EIF4G3: variants seen among roughly 807,000 people sequenced by gnomAD.
EIF4G3 encodes the protein eIF-4-gamma 3.
Under a neutral mutation model 186.4 loss-of-function variants are expected in EIF4G3, and 34 were observed. The ratio of observed to expected loss-of-function variants is 0.18; its 90% CI spans 0.14 to 0.24. The LOEUF is 0.24. EIF4G3 is among the 10% of genes least tolerant of loss of function. The pLI is 1.00. For synonymous variants in EIF4G3, 673 were observed against 679.5 expected, an observed-to-expected ratio of 0.99 and a Z score of 0.15; for missense variants, 1,536 against 1,948.5, an observed-to-expected ratio of 0.79 and a Z score of 3.99.
intron 36 of EIF4G3, among the ~76,000 whole-genome samples, 163 bp from the exon 37 acceptor site, chr1:20,807,663 C>A (rs1314915058): frequency 4.6e-5 from 7 of 151,806 alleles, no homozygotes; most frequent in African/African-American, 1.7e-4. Context: ...ATAAACAGCC[C>A]AACAACTTGT....
At chr1:21,131,274 ACAT>A (rs2097147255) in intron 2 of EIF4G3, among the ~76,000 whole-genome samples, 2 of 151,144 alleles carry the variant, frequency 1.3e-5, no homozygotes, top group South Asian at 4.2e-4. Context: ...ACTTAAAGAT[ACAT>A]TAAGATGTAT....
chr1:21,130,862 A>G (rs113378256), intron 2 of EIF4G3, among the ~76,000 whole-genome samples: 163 of 152,326 alleles, frequency 1.1e-3, no homozygotes, highest in African/African-American at 3.8e-3. Context: ...TAGATGGAAA[A>G]TAATTTCAAA....
intron 29 of EIF4G3, among the ~76,000 whole-genome samples, chr1:20,847,526 T>C (rs1403356144): frequency 6.6e-6 from 1 of 152,186 alleles, no homozygotes; most frequent in African/African-American, 2.4e-5. Flanking sequence ...TTCATTGACT[T>C]TGTACATCCT....
At chr1:20,843,272 T>C (rs910808689) in intron 29 of EIF4G3, among the ~76,000 whole-genome samples, 4 of 151,934 alleles carry the variant, frequency 2.6e-5, no homozygotes, top group Admixed American at 6.5e-5. Context: ...TCCCAGCACG[T>C]TGGGAGGCCA....
chr1:20,998,232 C>A (rs1177391723), intron 6 of EIF4G3, among the ~76,000 whole-genome samples: 1 of 151,568 alleles, frequency 6.6e-6, no homozygotes, highest in Non-Finnish European at 1.5e-5. Flanking sequence ...CACACACACA[C>A]ACACACACAC....
intron 11 of EIF4G3, 92 bp downstream of exon 11, chr1:20,972,910 G>C: frequency 1.0e-6 from 1 of 982,032 alleles, no homozygotes; most frequent in Non-Finnish European, 1.4e-6. Context: ...ACAGTAATTT[G>C]TGAATTGAGA....
chr1:20,963,556 T>C (rs2073929095), intron 12 of EIF4G3, among the ~76,000 whole-genome samples: 1 of 152,142 alleles, frequency 6.6e-6, no homozygotes, highest in Non-Finnish European at 1.5e-5. Context: ...AGCATAGGAC[T>C]CTCTCCCATG....
intron 20 of EIF4G3, among the ~76,000 whole-genome samples, 167 bp from the exon 21 acceptor site, chr1:20,865,429 C>G (rs1390902099): frequency 6.6e-6 from 1 of 152,088 alleles, no homozygotes; most frequent in African/African-American, 2.4e-5. Context: ...AGTAATATGT[C>G]TTAAATTTTA....
At chr1:21,029,916 G>A (rs537349159) in intron 4 of EIF4G3, among the ~76,000 whole-genome samples, 9 of 152,124 alleles carry the variant, frequency 5.9e-5, no homozygotes, top group African/African-American at 1.9e-4. Flanking sequence ...GAGCACAGTG[G>A]CACAATCATG....
intron 14 of EIF4G3, among the ~76,000 whole-genome samples, chr1:20,932,487 T>C (rs1257673977): frequency 6.6e-6 from 1 of 152,162 alleles, no homozygotes; most frequent in Non-Finnish European, 1.5e-5. Flanking sequence ...AGCTTAATCA[T>C]TTCTAGCTTT....
At position 21,052,789 on chromosome 1, in the gene EIF4G3, G is replaced by A. The variant is rs1056941790; in HGVS notation, c.-195-1795C>T. On this transcript the variant is annotated intron_variant, in intron 3 of 36. Coordinates refer to ENST00000602326, the MANE Select transcript of EIF4G3 (RefSeq NM_001391906.1). ...GTGGAGACGGGGTTTCGCTGTGTTG[G>A]CCGGGCTGGTCTCCAGCTCCTAACC... 3.7e-4 allele frequency among the ~76,000 whole-genome samples: 57 copies of A among 152,312 alleles called. 1 individual carries two copies. Among genetic ancestry groups the A allele is most frequent in the African/African-American group, 1.3e-3 (53 of 41,592 alleles).
At chr1:20,982,820 T>C (rs1381585148) in intron 7 of EIF4G3, among the ~76,000 whole-genome samples, 1 of 152,216 alleles carries the variant, frequency 6.6e-6, no homozygotes, top group African/African-American at 2.4e-5. Context: ...GTGTCATTTG[T>C]TATTTTTGTA....
intron 4 of EIF4G3, among the ~76,000 whole-genome samples, chr1:21,008,590 C>T (rs2086016192): frequency 6.6e-6 from 1 of 152,304 alleles, no homozygotes; most frequent in Middle Eastern, 3.4e-3. Flanking sequence ...CCACCGGGCT[C>T]AGCCTCCCAA....
At chr1:21,167,449 A>C (rs1206709311) in intron 2 of EIF4G3, among the ~76,000 whole-genome samples, 1 of 152,126 alleles carries the variant, frequency 6.6e-6, no homozygotes, top group Non-Finnish European at 1.5e-5. Context: ...CAGATGGATC[A>C]CCTGAGATGA....
At chr1:20,942,466 A>G in intron 13 of EIF4G3, 136 bp from the exon 14 acceptor site, 5 of 759,178 alleles carry the variant, frequency 6.6e-6, no homozygotes, top group Non-Finnish European at 9.7e-6. Context: ...TTATTCTGGT[A>G]TGCCAAAAAC....
At chr1:20,886,815 T>G (rs933567107) in intron 18 of EIF4G3, among the ~76,000 whole-genome samples, 1 of 152,122 alleles carries the variant, frequency 6.6e-6, no homozygotes, top group African/African-American at 2.4e-5. Flanking sequence ...CTGTAGATCA[T>G]AAAAGATTCC....
chr1:20,896,328 C>T (rs2088014637), intron 16 of EIF4G3, among the ~76,000 whole-genome samples: 1 of 150,048 alleles, frequency 6.7e-6, no homozygotes, highest in Non-Finnish European at 1.5e-5. Flanking sequence ...TCCCAGCTAT[C>T]AGGTGGCTGA....
At chr1:20,942,899 T>G (rs1016384511) in intron 13 of EIF4G3, among the ~76,000 whole-genome samples, 1 of 152,230 alleles carries the variant, frequency 6.6e-6, no homozygotes, top group Non-Finnish European at 1.5e-5. Context: ...AAATTTACTA[T>G]CAGTGAAATC....
At chr1:21,156,114 C>T (rs1033231332) in intron 2 of EIF4G3, among the ~76,000 whole-genome samples, 5 of 141,180 alleles carry the variant, frequency 3.5e-5, no homozygotes, top group African/African-American at 5.2e-5. Flanking sequence ...GCAACAAGAG[C>T]GAAACTCTGT....
Sources: gnomAD v4.1 joint callset for allele counts (sites outside exome capture counted in the v4.1 genomes callset) on GRCh38, gnomAD v4.1.1 for gene constraint, MANE v1.5 for transcripts, NCBI Gene and HGNC (gene_info 2026-07-23, HGNC 2026-07-21) for gene names.